The following OPCML variants were observed in gnomAD, a reference collection of about 807,000 sequenced individuals.
OPCML encodes opioid-binding protein/cell adhesion molecule.
OPCML carries 13 observed loss-of-function variants against 37.8 expected under a neutral mutation model. That is an observed-to-expected ratio of 0.34 (90% CI 0.22 to 0.55). The LOEUF is 0.55. Ranked by LOEUF, OPCML falls within the 20% of genes least tolerant of loss-of-function variation. The pLI is 0.91. For missense variants in OPCML, 341 were observed against 435.6 expected (o/e 0.78, Z 1.93); for synonymous variants, 176 against 168.8 (o/e 1.04, Z -0.33).
At chr11:133,471,970 A>G (rs1947126125) in intron 1 of OPCML, among the ~76,000 whole-genome samples, 1 of 152,220 alleles carries the variant, frequency 6.6e-6, no homozygotes, top group Non-Finnish European at 1.5e-5. Flanking sequence ...GCTTGACCCT[A>G]ACACGTCTGA....
In OPCML at chr11:133,503,770, T is replaced by C. The variant is rs1347457921; in HGVS notation, c.61+28494A>G. Among the ~76,000 whole-genome samples the C allele has an allele frequency of 2.0e-5, 3 of 151,996 alleles. No individual in the cohort carries two copies. In the East Asian group the frequency reaches 5.8e-4, roughly 29 times the overall value. On this transcript the variant is annotated intron_variant, in intron 1 of 7. Transcript: ENST00000524381. ...CCCTTTCGCCACTCTGACTTCTATCTCAAAGATGAGCCTCTTCAAAGCCTG... is the reference window on the plus strand; with the variant it reads ...CCCTTTCGCCACTCTGACTTCTATCCCAAAGATGAGCCTCTTCAAAGCCTG...
intron 2 of OPCML, among the ~76,000 whole-genome samples, chr11:132,676,789 G>GAAAA (rs1196087295): frequency 4.3e-5 from 4 of 93,804 alleles, no homozygotes; most frequent in Admixed American, 2.3e-4. Flanking sequence ...AAACAAACAA[G>GAAAA]AAAAAAAAAA....
chr11:133,343,809 T>C (rs1327222160), intron 1 of OPCML, among the ~76,000 whole-genome samples: 2 of 152,228 alleles, frequency 1.3e-5, no homozygotes. Context: ...TCTCTTCTCC[T>C]GTACCACATC....
At chr11:132,929,213 G>A (rs901664151) in intron 2 of OPCML, among the ~76,000 whole-genome samples, 1 of 151,672 alleles carries the variant, frequency 6.6e-6, no homozygotes, top group African/African-American at 2.4e-5. Context: ...TAGCTAGATT[G>A]ACTAAGAAAA....
At chr11:132,924,443 G>T (rs1209210216) in intron 2 of OPCML, among the ~76,000 whole-genome samples, 1 of 152,134 alleles carries the variant, frequency 6.6e-6, no homozygotes, top group African/African-American at 2.4e-5. Context: ...CACCAAGCTT[G>T]AAGAACTTTT....
chr11:133,458,906 CAT>C (rs962582680), intron 1 of OPCML, among the ~76,000 whole-genome samples: 3 of 150,192 alleles, frequency 2.0e-5, no homozygotes, highest in African/African-American at 4.9e-5. Context: ...TATATATACA[CAT>C]ATATATATAT....
intron 1 of OPCML, among the ~76,000 whole-genome samples, chr11:133,459,996 A>G (rs1362065182): frequency 1.3e-5 from 2 of 152,038 alleles, no homozygotes; most frequent in Non-Finnish European, 2.9e-5. Context: ...AATACATTGT[A>G]AAAGAATTGA....
rs193120469 is a variant in OPCML at position 132,669,444 on chromosome 11, C to G, written c.147-12125G>C. 4.3e-4 allele frequency among the ~76,000 whole-genome samples: 65 copies of G among 152,226 alleles called. 1 individual carries two copies. The highest frequency in any genetic ancestry group is 1.5e-3 in the African/African-American group (63 of 41,522). ...GAAAATTATTCTAAGGGTCTTACTC[C>G]CAACCCAAGGTGACACCATTAGCTA... On this transcript the variant is annotated intron_variant, in intron 2 of 7. Transcript: ENST00000524381.
At chr11:133,399,920 T>C (rs1945365721) in intron 1 of OPCML, among the ~76,000 whole-genome samples, 2 of 151,486 alleles carry the variant, frequency 1.3e-5, no homozygotes, top group African/African-American at 4.8e-5. Flanking sequence ...TATCTACTAA[T>C]GCATGCACAC....
chr11:133,007,584 C>T, intron 1 of OPCML: 1 of 985,434 alleles, frequency 1.0e-6, no homozygotes. Context: ...AAACTTAAAA[C>T]TCTAGAATTG....
At chr11:133,288,896 C>T (rs1181267356) in intron 1 of OPCML, among the ~76,000 whole-genome samples, 3 of 152,060 alleles carry the variant, frequency 2.0e-5, no homozygotes, top group Admixed American at 1.3e-4. Flanking sequence ...TCCCTTAGTG[C>T]AACTCTCGTG....
intron 1 of OPCML, among the ~76,000 whole-genome samples, chr11:133,196,345 T>C (rs1197163887): frequency 1.3e-5 from 2 of 152,248 alleles, no homozygotes; most frequent in African/African-American, 4.8e-5. Context: ...CAACTCTTTA[T>C]CTTTTCTCCA....
chr11:133,283,481 G>A (rs1942217045), intron 1 of OPCML, among the ~76,000 whole-genome samples: 1 of 151,758 alleles, frequency 6.6e-6, no homozygotes, highest in African/African-American at 2.4e-5. Flanking sequence ...ACCAGAAGCT[G>A]AGCAGATATT....
chr11:133,172,031 A>G (rs1950295226), intron 1 of OPCML, among the ~76,000 whole-genome samples: 1 of 152,246 alleles, frequency 6.6e-6, no homozygotes, highest in Non-Finnish European at 1.5e-5. Context: ...AGCTCCCTGT[A>G]TGGAAATAGC....
chr11:133,332,164 C>G (rs748113726), intron 1 of OPCML, among the ~76,000 whole-genome samples: 123 of 152,036 alleles, frequency 8.1e-4, no homozygotes, highest in Non-Finnish European at 1.3e-3. Flanking sequence ...AGCCATATTT[C>G]TAGTTATTTT....
At chr11:132,893,398 A>G (rs561479011) in intron 2 of OPCML, among the ~76,000 whole-genome samples, 2 of 152,098 alleles carry the variant, frequency 1.3e-5, no homozygotes, top group East Asian at 3.9e-4. Flanking sequence ...GTGCAGCCCT[A>G]TTTGCTGCTG....
At chr11:133,121,263 G>A (rs777161839) in intron 1 of OPCML, among the ~76,000 whole-genome samples, 2 of 152,098 alleles carry the variant, frequency 1.3e-5, no homozygotes, top group African/African-American at 2.4e-5. Flanking sequence ...GCAAACCATA[G>A]CATTTCAATT....
At chr11:132,427,378 A>G (rs2095981160) in intron 7 of OPCML, among the ~76,000 whole-genome samples, 1 of 152,226 alleles carries the variant, frequency 6.6e-6, no homozygotes, top group African/African-American at 2.4e-5. Context: ...TATGTGTTAC[A>G]CTTGTTGGTG....
At chr11:132,456,991 T>C (rs1166585872) in intron 4 of OPCML, among the ~76,000 whole-genome samples, 2 of 152,124 alleles carry the variant, frequency 1.3e-5, no homozygotes, top group Non-Finnish European at 2.9e-5. Context: ...CAATAGAATG[T>C]GGCTCATGCA....
Sources: gnomAD v4.1 joint callset for allele counts (sites outside exome capture counted in the v4.1 genomes callset) on GRCh38, gnomAD v4.1.1 for gene constraint, MANE v1.5 for transcripts, NCBI Gene and HGNC (gene_info 2026-07-23, HGNC 2026-07-21) for gene names.